Variants in IGSF11 observed in about 807,000 individuals in gnomAD.
IGSF11 encodes the protein immunoglobulin superfamily member 11, also known as CXADR like 1.
IGSF11 carries 22 observed loss-of-function variants against 41.0 expected under a neutral mutation model. The observed-to-expected ratio is 0.54, with a 90% confidence interval of 0.38 to 0.77. The LOEUF (loss-of-function observed/expected upper bound fraction) is 0.77, where lower values mean the gene tolerates loss of function less well. Among genes scored for constraint, IGSF11 ranks in the 30% least tolerant of loss-of-function variants. The pLI is 0.00. For missense variants in IGSF11, 444 were observed against 530.8 expected, an observed-to-expected ratio of 0.84 and a Z score of 1.61; for synonymous variants, 219 against 201.3, an observed-to-expected ratio of 1.09 and a Z score of -0.74.
intron 1 of IGSF11, among the ~76,000 whole-genome samples, chr3:118,953,686 G>A (rs1273131008): frequency 1.3e-5 from 2 of 151,878 alleles, no homozygotes; most frequent in Non-Finnish European, 2.9e-5. Flanking sequence ...ATGTGTGTTG[G>A]CCACTTGTAT....
chr3:118,948,971 CA>C (rs397874586), intron 1 of IGSF11, among the ~76,000 whole-genome samples: 29,945 of 87,314 alleles, frequency 0.34, 3,158 homozygotes, highest in African/African-American at 0.46. Context: ...GACTCCGTCT[CA>C]AAAAAAAAAA....
At position 118,972,987 on chromosome 3, in the gene IGSF11, G is replaced by A. The variant is rs116188441; in HGVS notation, c.53-42712C>T. ...GAAGGACATCAAAACCCTGCTCTACGTGGCTGTTTCCACCGGCAACATGGA... is the reference window on the plus strand; with the variant it reads ...GAAGGACATCAAAACCCTGCTCTACATGGCTGTTTCCACCGGCAACATGGA... On this transcript the variant is annotated intron_variant, in intron 1 of 6. Transcript: ENST00000393775. Among the ~76,000 whole-genome samples, 48 of 152,232 alleles carry A rather than the reference G, an allele frequency of 3.2e-4. 1 individual carries two copies. The highest frequency in any genetic ancestry group is 3.4e-3 in the Middle Eastern group (1 of 294).
At chr3:119,112,541 GC>G (rs1006141158) in intron 1 of IGSF11, 1 of 152,434 alleles carries the variant, frequency 6.6e-6, no homozygotes, top group Non-Finnish European at 1.5e-5. Flanking sequence ...GACCCCTTGC[GC>G]TTCCCGAGTG....
At chr3:119,008,965 G>A (rs1221559946) in intron 1 of IGSF11, among the ~76,000 whole-genome samples, 2 of 152,172 alleles carry the variant, frequency 1.3e-5, no homozygotes, top group East Asian at 3.9e-4. Context: ...AGCCTTCAGA[G>A]TCAAACTAGG....
chr3:119,077,498 C>A lies in IGSF11; in HGVS notation c.49+27646G>T, dbSNP rs932067596. Among the ~76,000 whole-genome samples the A allele has an allele frequency of 3.3e-5, 5 of 151,576 alleles. 1 individual carries two copies. The highest frequency in any genetic ancestry group is 3.9e-4 in the East Asian group (2 of 5,138). On this transcript the variant is annotated intron_variant, in intron 1 of 6. Transcript: ENST00000354673. The stretch of plus-strand genomic sequence containing the variant: ...AAATAAAATTTAAAAAGAAAAAAAA[C>A]CCTCAACAAACCAAGCATCAAAGGA...
intron 1 of IGSF11, among the ~76,000 whole-genome samples, chr3:119,135,287 G>A (rs1263108553): frequency 5.9e-5 from 9 of 152,108 alleles, no homozygotes; most frequent in Non-Finnish European, 1.2e-4. Flanking sequence ...CCTACAGAAT[G>A]GGAAAAAATT....
At chr3:118,946,692 G>A (rs1944168908) in intron 1 of IGSF11, among the ~76,000 whole-genome samples, 1 of 152,050 alleles carries the variant, frequency 6.6e-6, no homozygotes, top group Admixed American at 6.5e-5. Flanking sequence ...ATCTAGAAAG[G>A]GTCACCACTA....
At chr3:119,039,678 G>C (rs2107746860), upstream of IGSF11, among the ~76,000 whole-genome samples, 1 of 152,220 alleles carries the variant, frequency 6.6e-6, no homozygotes, top group South Asian at 2.1e-4. Flanking sequence ...TAGTCATTCT[G>C]CTGTCACCAT....
intron 1 of IGSF11, among the ~76,000 whole-genome samples, chr3:118,968,786 G>A (rs1933016715): frequency 6.6e-6 from 1 of 152,156 alleles, no homozygotes; most frequent in South Asian, 2.1e-4. Context: ...ATTTTTAAGT[G>A]ACATTTGAAA....
upstream of IGSF11, among the ~76,000 whole-genome samples, chr3:119,036,215 A>G (rs537780114): frequency 1.1e-4 from 17 of 152,358 alleles, no homozygotes; most frequent in African/African-American, 3.4e-4. Context: ...CCAACTTGCT[A>G]GAATTCCCTA....
At chr3:119,126,699 T>C (rs2077408855) in intron 1 of IGSF11, among the ~76,000 whole-genome samples, 1 of 152,112 alleles carries the variant, frequency 6.6e-6, no homozygotes, top group African/African-American at 2.4e-5. Flanking sequence ...CCAGACTCCT[T>C]GAATGACATC....
intron 1 of IGSF11, among the ~76,000 whole-genome samples, chr3:119,072,521 C>G (rs2076416415): frequency 6.6e-6 from 1 of 152,144 alleles, no homozygotes; most frequent in Non-Finnish European, 1.5e-5. Context: ...GGAGTTTGCT[C>G]CTTCTGATGT....
intron 4 of IGSF11, among the ~76,000 whole-genome samples, chr3:118,924,352 T>G (rs2107522604): frequency 6.6e-6 from 1 of 152,130 alleles, no homozygotes; most frequent in East Asian, 1.9e-4. Flanking sequence ...TATTAATAAT[T>G]TTAAACATAA....
intron 1 of IGSF11, among the ~76,000 whole-genome samples, chr3:119,066,083 T>A (rs1183014183): frequency 6.6e-6 from 1 of 152,162 alleles, no homozygotes; most frequent in Non-Finnish European, 1.5e-5. Context: ...GTCTATAAAA[T>A]CCATAGTAAT....
In IGSF11 at chr3:119,128,628, C is replaced by T. The variant is rs1299137651; in HGVS notation, c.-14+17185G>A. Among the ~76,000 whole-genome samples the T allele has an allele frequency of 3.3e-5, 5 of 151,552 alleles. No homozygotes were observed. The East Asian group carries it at 9.7e-4, about 29-fold the overall frequency. Reference sequence around the variant, plus strand: ...GTCTCTGACAAAACAGATTTTAAACCAAAAAAGATCAAAAAAGACAAAGAA... The same window carrying T: ...GTCTCTGACAAAACAGATTTTAAACTAAAAAAGATCAAAAAAGACAAAGAA... On this transcript the variant is annotated intron_variant, in intron 1 of 7. Transcript: ENST00000425327.
intron 1 of IGSF11, among the ~76,000 whole-genome samples, chr3:118,978,240 GC>G (rs1934336920): frequency 6.6e-6 from 1 of 152,090 alleles, no homozygotes; most frequent in African/African-American, 2.4e-5. Context: ...CACTCAACCT[GC>G]TATTACCACC....
intron 1 of IGSF11, among the ~76,000 whole-genome samples, chr3:118,958,693 G>A (rs1216891856): frequency 6.6e-6 from 1 of 152,184 alleles, no homozygotes; most frequent in Non-Finnish European, 1.5e-5. Context: ...CTTGCAGTGA[G>A]TAAAAAGCTG....
chr3:118,928,733 A>G lies in IGSF11; in HGVS notation c.217-17T>C. ...CAGGATGACCTGGAAAAGAAAGCAAAATAAATAAACTGGCCACTCTATCCT... is the reference window on the plus strand; with the variant it reads ...CAGGATGACCTGGAAAAGAAAGCAAGATAAATAAACTGGCCACTCTATCCT... On this transcript the variant is annotated splice_polypyrimidine_tract_variant and intron_variant, in intron 2 of 6. Transcript: ENST00000393775. 6.2e-7 allele frequency: 1 copy of G among 1,601,294 alleles called. No individual in the cohort carries two copies. The highest frequency in any genetic ancestry group is 2.2e-5 in the East Asian group (1 of 44,546).
intron 1 of IGSF11, among the ~76,000 whole-genome samples, chr3:119,104,350 T>G (rs1313613677): frequency 6.6e-6 from 1 of 152,186 alleles, no homozygotes; most frequent in East Asian, 1.9e-4. Context: ...TTTCTTTTAG[T>G]TATTCAAACT....
Sources: gnomAD v4.1 joint callset for allele counts (sites outside exome capture counted in the v4.1 genomes callset) on GRCh38, gnomAD v4.1.1 for gene constraint, MANE v1.5 for transcripts, NCBI Gene and HGNC (gene_info 2026-07-23, HGNC 2026-07-21) for gene names.